The following AUTS2 variants were observed in gnomAD, a reference collection of about 807,000 sequenced individuals.
AUTS2 encodes autism susceptibility gene 2 protein.
Under a neutral mutation model 112.4 loss-of-function variants are expected in AUTS2, and 17 were observed. The ratio of observed to expected loss-of-function variants is 0.15; its 90% CI spans 0.10 to 0.23. The LOEUF (loss-of-function observed/expected upper bound fraction) is 0.23, where lower values mean the gene tolerates loss of function less well. AUTS2 is among the 10% of genes least tolerant of loss of function. The pLI is 1.00. For missense variants in AUTS2, 1,510 were observed against 1,701.6 expected (o/e 0.89, Z 1.98); for synonymous variants, 751 against 702.7 (o/e 1.07, Z -1.09).
intron 4 of AUTS2, among the ~76,000 whole-genome samples, chr7:70,311,624 T>C (rs111637768): frequency 0.017 from 2,529 of 152,338 alleles, 85 homozygotes; most frequent in African/African-American, 0.058. Flanking sequence ...TGATGCAATC[T>C]TGGCTCACTG....
chr7:69,961,693 A>G (rs1259178331), intron 2 of AUTS2, among the ~76,000 whole-genome samples: 2 of 152,170 alleles, frequency 1.3e-5, no homozygotes, highest in African/African-American at 4.8e-5. Flanking sequence ...ACATATTTCT[A>G]TAATAGAAAA....
intron 1 of AUTS2, among the ~76,000 whole-genome samples, chr7:69,729,451 A>G (rs1040494691): frequency 6.0e-5 from 6 of 99,714 alleles, no homozygotes; most frequent in Non-Finnish European, 9.1e-5. Context: ...TTTTATTTCT[A>G]CGATTTATAT....
chr7:70,133,910 T>G (rs1806407291), intron 3 of AUTS2, among the ~76,000 whole-genome samples: 1 of 152,194 alleles, frequency 6.6e-6, no homozygotes, highest in Non-Finnish European at 1.5e-5. Flanking sequence ...ACTTAAACCC[T>G]TCAGAAAAAT....
rs557058916 is a variant in AUTS2, at chr7:70,452,295, C to CA, written c.690+16522dup. ...GTAACATGGTGAAACCCCATCTCTA[C>CA]AAAAAAAATAAAAATTAGTCAGATG... On this transcript the variant is annotated intron_variant, in intron 5 of 18. Coordinates refer to ENST00000342771, the MANE Select transcript of AUTS2 (RefSeq NM_015570.4). 4.0e-5 allele frequency among the ~76,000 whole-genome samples: 6 copies of CA among 151,750 alleles called. No individual in the cohort carries two copies. The East Asian group carries it at 5.8e-4, about 15-fold the overall frequency.
At position 69,654,795 on chromosome 7, in the gene AUTS2, G is replaced by A. The variant is rs527331387; in HGVS notation, c.309+54833G>A. Among the ~76,000 whole-genome samples the A allele has an allele frequency of 5.3e-5, 8 of 152,214 alleles. No homozygotes were observed. In the South Asian group the frequency reaches 1.7e-3, roughly 32 times the overall value. ...CAATGAACTAAGTGGGGTGTTCTGG[G>A]TGGTCTTTGATGATGGCAACTGTGT... On this transcript the variant is annotated intron_variant, in intron 1 of 18. Coordinates refer to ENST00000342771, the MANE Select transcript of AUTS2 (RefSeq NM_015570.4).
intron 5 of AUTS2, among the ~76,000 whole-genome samples, chr7:70,614,815 GCACT>G (rs2129534830): frequency 6.6e-6 from 1 of 152,326 alleles, no homozygotes; most frequent in South Asian, 2.1e-4. Context: ...TAGCCAGCTG[GCACT>G]CTCACGCTGA....
intron 4 of AUTS2, among the ~76,000 whole-genome samples, chr7:70,264,005 T>C (rs533298529): frequency 1.6e-4 from 24 of 152,336 alleles, no homozygotes; most frequent in African/African-American, 5.5e-4. Context: ...TTTTCAAAAC[T>C]GTGTAGAAAT....
chr7:69,599,216 GCGGAGAATGGCCGCGGGGAGGGCTCCC>G lies in AUTS2; in HGVS notation c.-432_-406del. 6.5e-6 allele frequency: 1 copy of G among 153,350 alleles called. No homozygotes were observed. The highest frequency in any genetic ancestry group is 2.1e-4 in the South Asian group (1 of 4,832). The allele number at this position is 153,350 out of a possible 1,614,324, so 9.5% of individuals were successfully genotyped here. On this transcript the variant is annotated 5_prime_UTR_variant, in exon 1 of 19. It removes an upstream start codon present in the reference 5' UTR. Transcript: ENST00000342771. The surrounding 1 kb of genome is among the most constrained non-coding windows in gnomAD (Gnocchi z 7.0). ...GCGTTTTCGGGGGGCGGGGGGCGCG[GCGGAGAATGGCCGCGGGGAGGGCTCCC>G]CGGAGCCTCCCAGTCTCTTGATCAA...
At chr7:70,473,712 C>CTT (rs112680628) in intron 5 of AUTS2, among the ~76,000 whole-genome samples, 26 of 130,588 alleles carry the variant, frequency 2.0e-4, no homozygotes, top group African/African-American at 4.8e-4. Flanking sequence ...TTTGGTGGGG[C>CTT]TTTTTTTTTT....
Position 69,781,618 on chromosome 7 carries a change from C to T in AUTS2, c.310-117668C>T, listed in dbSNP as rs17140892. 1.9e-3 allele frequency among the ~76,000 whole-genome samples: 295 copies of T among 152,318 alleles called. 1 individual carries two copies. Among genetic ancestry groups the T allele is most frequent in the African/African-American group, 6.8e-3 (283 of 41,574 alleles). On this transcript the variant is annotated intron_variant, in intron 1 of 18. Transcript: ENST00000342771. Reference sequence around the variant, plus strand: ...GTTTTACTAGCTAATTATACTGCACCGAATTGACAGGCATCTCTATTAGAG... The same window carrying T: ...GTTTTACTAGCTAATTATACTGCACTGAATTGACAGGCATCTCTATTAGAG...
intron 4 of AUTS2, among the ~76,000 whole-genome samples, chr7:70,329,541 T>G (rs1020073154): frequency 6.6e-6 from 1 of 151,772 alleles, no homozygotes; most frequent in African/African-American, 2.4e-5. Flanking sequence ...TTGAGCATCT[T>G]TTCATGTTTT....
intron 4 of AUTS2, among the ~76,000 whole-genome samples, chr7:70,415,731 T>C (rs1047175206): frequency 6.6e-6 from 1 of 152,174 alleles, no homozygotes; most frequent in African/African-American, 2.4e-5. Flanking sequence ...ATCTATATTG[T>C]GGCTGTCTCA....
At chr7:69,989,919 G>C (rs1798673138) in intron 2 of AUTS2, among the ~76,000 whole-genome samples, 1 of 152,120 alleles carries the variant, frequency 6.6e-6, no homozygotes, top group African/African-American at 2.4e-5. Context: ...TAGGTTGCCT[G>C]CTTCCATGAG....
At chr7:69,689,954 A>G (rs753187915) in intron 1 of AUTS2, among the ~76,000 whole-genome samples, 3 of 151,894 alleles carry the variant, frequency 2.0e-5, no homozygotes, top group Non-Finnish European at 2.9e-5. Context: ...TGGCCTCCCA[A>G]AGTGCTGGGA....
intron 1 of AUTS2, among the ~76,000 whole-genome samples, chr7:69,687,468 A>G (rs924081019): frequency 6.6e-6 from 1 of 152,188 alleles, no homozygotes; most frequent in African/African-American, 2.4e-5. Flanking sequence ...ATATTAATTT[A>G]TTAATACAGG....
chr7:69,830,445 T>G (rs566781129), intron 1 of AUTS2, among the ~76,000 whole-genome samples: 13 of 152,314 alleles, frequency 8.5e-5, no homozygotes, highest in African/African-American at 2.9e-4. Context: ...TTCAGTATGT[T>G]TTCTTGTTGT....
intron 1 of AUTS2, among the ~76,000 whole-genome samples, chr7:69,760,769 G>A (rs913993094): frequency 2.0e-5 from 3 of 152,122 alleles, no homozygotes; most frequent in Non-Finnish European, 4.4e-5. Context: ...GCAGTGAGCC[G>A]AGATCGTGCC....
intron 4 of AUTS2, among the ~76,000 whole-genome samples, chr7:70,193,908 C>T (rs549262595): frequency 6.6e-6 from 1 of 152,236 alleles, no homozygotes; most frequent in African/African-American, 2.4e-5. Flanking sequence ...TGATTTCTCC[C>T]TTCTCAATGA....
At chr7:70,543,294 G>A (rs1460408537) in intron 5 of AUTS2, among the ~76,000 whole-genome samples, 1 of 152,044 alleles carries the variant, frequency 6.6e-6, no homozygotes, top group Admixed American at 6.6e-5. Flanking sequence ...TTGAGGTCAG[G>A]AGTTTGAGAC....
Sources: gnomAD v4.1 joint callset for allele counts (sites outside exome capture counted in the v4.1 genomes callset) on GRCh38, gnomAD v4.1.1 for gene constraint, Gnocchi (gnomAD v3.1) non-coding constraint, MANE v1.5 for transcripts, NCBI Gene and HGNC (gene_info 2026-07-23, HGNC 2026-07-21) for gene names.